The following OSBPL3 variants were observed in gnomAD, a reference collection of about 807,000 sequenced individuals.
OSBPL3 encodes the protein oxysterol-binding protein-related protein 3.
A neutral mutation model predicts 120.1 loss-of-function variants in OSBPL3; 65 were observed. That is an observed-to-expected ratio of 0.54 (90% CI 0.44 to 0.67). The LOEUF (loss-of-function observed/expected upper bound fraction) is 0.67, where lower values mean the gene tolerates loss of function less well. Ranked by LOEUF, OSBPL3 falls within the 30% of genes least tolerant of loss-of-function variation. The pLI is 0.00. For synonymous variants in OSBPL3, 416 were observed against 402.6 expected (o/e 1.03, Z -0.40); for missense variants, 1,004 against 1,082.1 (o/e 0.93, Z 1.01).
At position 24,863,677 on chromosome 7, in the gene OSBPL3, T is replaced by C; in HGVS notation, c.674-78A>G. 1 of 911,366 alleles carries C rather than the reference T, an allele frequency of 1.1e-6. No homozygotes were observed. Among genetic ancestry groups the C allele is most frequent in the Non-Finnish European group, 1.8e-6 (1 of 568,538 alleles). 56.5% of individuals were successfully genotyped at this position (911,366 alleles called of 1,614,324 possible). A position where few individuals can be genotyped will look rare whatever the true frequency, so the allele number is the denominator to read the frequency against. On this transcript the variant is annotated intron_variant, in intron 7 of 22. Coordinates refer to ENST00000313367, the MANE Select transcript of OSBPL3 (RefSeq NM_015550.4). This position sits in a 1 kb window ranked among gnomAD's most constrained non-coding sequence, Gnocchi z 5.8. ...ACTGTGCTGTCCCCATGCCAGCTAC[T>C]TTTCCTTATTTATCTGTAGTTGATT...
intron 19 of OSBPL3, among the ~76,000 whole-genome samples, chr7:24,814,288 GTGTGTA>G (rs911265703): frequency 5.6e-5 from 5 of 89,544 alleles, no homozygotes; most frequent in African/African-American, 1.8e-4. Context: ...GAGGTGGCGT[GTGTGTA>G]TATGGGTGTA....
At chr7:24,920,319 TAGTG>T (rs748871383) in intron 1 of OSBPL3, among the ~76,000 whole-genome samples, 2 of 152,154 alleles carry the variant, frequency 1.3e-5, no homozygotes, top group African/African-American at 2.4e-5. Flanking sequence ...AGGAATTAAA[TAGTG>T]AGTCATGCTA....
chr7:24,965,498 T>C lies in OSBPL3; in HGVS notation c.-150+14388A>G, dbSNP rs1816266793. Among the ~76,000 whole-genome samples, 1 of 152,208 alleles carries C rather than the reference T, an allele frequency of 6.6e-6. No homozygotes were observed. Among genetic ancestry groups the C allele is most frequent in the Non-Finnish European group, 1.5e-5 (1 of 68,030 alleles). ...GACAATCTAATGATAACCAGAATTC[T>C]CTGGTTCTTCTCGGAATCAGAATGG... On this transcript the variant is annotated intron_variant, in intron 1 of 22. Transcript: ENST00000313367. This position sits in a 1 kb window ranked among gnomAD's most constrained non-coding sequence, Gnocchi z 4.3.
chr7:24,978,888 G>C (rs1817876737), intron 1 of OSBPL3, among the ~76,000 whole-genome samples: 1 of 152,238 alleles, frequency 6.6e-6, no homozygotes, highest in Admixed American at 6.5e-5. Context: ...GTGAGGCGGA[G>C]AAGGACAAGC....
At chr7:24,948,241 ATTG>A (rs1813973305) in intron 1 of OSBPL3, among the ~76,000 whole-genome samples, 1 of 152,258 alleles carries the variant, frequency 6.6e-6, no homozygotes, top group Non-Finnish European at 1.5e-5. Flanking sequence ...TATTTGAAGC[ATTG>A]TTGTACAGAA....
At chr7:24,875,220 G>T (rs1261466441) in intron 2 of OSBPL3, among the ~76,000 whole-genome samples, 1 of 152,228 alleles carries the variant, frequency 6.6e-6, no homozygotes, top group Non-Finnish European at 1.5e-5. Flanking sequence ...CTCTTGGGAT[G>T]TAAGTGCAGA....
rs1030000872 is a variant in OSBPL3, at chr7:24,972,819, T to C, written c.-150+7067A>G. On this transcript the variant is annotated intron_variant, in intron 1 of 22. Coordinates refer to ENST00000313367, the MANE Select transcript of OSBPL3 (RefSeq NM_015550.4). This position sits in a 1 kb window ranked among gnomAD's most constrained non-coding sequence, Gnocchi z 4.3. The stretch of plus-strand genomic sequence containing the variant: ...CAGATGACTGTCCACCACAAATTAC[T>C]TGGGGAGGGAGAAATATTTGTTTTA... Among the ~76,000 whole-genome samples, 1 of 152,160 alleles carries C rather than the reference T, an allele frequency of 6.6e-6. No individual in the cohort carries two copies. The highest frequency in any genetic ancestry group is 2.4e-5 in the African/African-American group (1 of 41,446).
chr7:24,934,828 A>C (rs1218359242), intron 1 of OSBPL3, among the ~76,000 whole-genome samples: 1 of 152,204 alleles, frequency 6.6e-6, no homozygotes, highest in African/African-American at 2.4e-5. Context: ...TTTTGGCAAC[A>C]GGCAGATGGA....
intron 15 of OSBPL3, among the ~76,000 whole-genome samples, chr7:24,832,560 T>C (rs1269310357): frequency 6.7e-6 from 1 of 149,180 alleles, no homozygotes; most frequent in Admixed American, 6.7e-5. Flanking sequence ...TGCACTCAAG[T>C]CAGTCCTACT....
At chr7:24,848,278 C>T (rs2128220550) in intron 12 of OSBPL3, among the ~76,000 whole-genome samples, 1 of 152,326 alleles carries the variant, frequency 6.6e-6, no homozygotes, top group Admixed American at 6.5e-5. Context: ...TACATAAACA[C>T]ACACCTCTTG....
At chr7:24,909,460 T>C (rs1808451305) in intron 1 of OSBPL3, among the ~76,000 whole-genome samples, 1 of 152,188 alleles carries the variant, frequency 6.6e-6, no homozygotes, top group Admixed American at 6.5e-5. Flanking sequence ...GACACACTGG[T>C]TGAAGACCAT....
In OSBPL3 at chr7:24,918,175, C is replaced by G. The variant is rs1416617152; in HGVS notation, c.-149-25554G>C. ...TTTGTTTACAGTTTCATGTACAGAC[C>G]TGAGAGGTCAAGAGAGTCATGAGAA... On this transcript the variant is annotated intron_variant, in intron 1 of 22. Transcript: ENST00000313367. This position sits in a 1 kb window ranked among gnomAD's most constrained non-coding sequence, Gnocchi z 4.3. 2 of 517,896 alleles carry G rather than the reference C, an allele frequency of 3.9e-6. No individual in the cohort carries two copies. Among genetic ancestry groups the G allele is most frequent in the Non-Finnish European group, 5.0e-6 (2 of 402,758 alleles). The allele number at this position is 517,896 out of a possible 1,614,324, so 32.1% of individuals were successfully genotyped here. A position where few individuals can be genotyped will look rare whatever the true frequency, so the allele number is the denominator to read the frequency against.
At chr7:24,866,632 C>T (rs534275502) in intron 5 of OSBPL3, among the ~76,000 whole-genome samples, 2 of 145,112 alleles carry the variant, frequency 1.4e-5, no homozygotes, top group East Asian at 2.2e-4. Flanking sequence ...CAGAGGGAGA[C>T]TGTCTCAAAA....
chr7:24,956,434 G>C (rs1046563979), intron 1 of OSBPL3, among the ~76,000 whole-genome samples: 1 of 152,196 alleles, frequency 6.6e-6, no homozygotes, highest in Non-Finnish European at 1.5e-5. Context: ...CTCTACTCTG[G>C]CTTTATGTCC....
intron 16 of OSBPL3, among the ~76,000 whole-genome samples, chr7:24,823,491 C>T (rs1409404764): frequency 6.6e-6 from 1 of 152,100 alleles, no homozygotes; most frequent in Admixed American, 6.5e-5. Flanking sequence ...AATGCCACAA[C>T]ATTAATGAGT....
At chr7:24,943,354 G>A (rs1313248145) in intron 1 of OSBPL3, among the ~76,000 whole-genome samples, 3 of 152,150 alleles carry the variant, frequency 2.0e-5, no homozygotes, top group Non-Finnish European at 4.4e-5. Context: ...GAGGCAGCCT[G>A]TACATATGTG....
At chr7:24,920,010 G>C (rs1367876784) in intron 1 of OSBPL3, among the ~76,000 whole-genome samples, 1 of 152,016 alleles carries the variant, frequency 6.6e-6, no homozygotes, top group East Asian at 1.9e-4. Flanking sequence ...ACAATAACAA[G>C]TGTTATCAAG....
At chr7:24,962,979 A>C (rs2128519956) in intron 1 of OSBPL3, among the ~76,000 whole-genome samples, 1 of 152,344 alleles carries the variant, frequency 6.6e-6, no homozygotes, top group South Asian at 2.1e-4. Context: ...GAAATGTAAC[A>C]TTCTGAGACA....
chr7:24,814,044 C>G (rs889878285), intron 19 of OSBPL3, among the ~76,000 whole-genome samples: 7 of 151,980 alleles, frequency 4.6e-5, no homozygotes, highest in African/African-American at 1.7e-4. Context: ...GTATGGAGAG[C>G]AGAAAATAAA....
Sources: gnomAD v4.1 joint callset for allele counts (sites outside exome capture counted in the v4.1 genomes callset) on GRCh38, gnomAD v4.1.1 for gene constraint, Gnocchi (gnomAD v3.1) non-coding constraint, MANE v1.5 for transcripts, NCBI Gene and HGNC (gene_info 2026-07-23, HGNC 2026-07-21) for gene names.